PPP1R16B: variants seen among roughly 807,000 people sequenced by gnomAD.
The protein encoded by PPP1R16B is protein phosphatase 1 regulatory inhibitor subunit 16B.
PPP1R16B carries 14 observed loss-of-function variants against 61.7 expected under a neutral mutation model. That is an observed-to-expected ratio of 0.23 (90% CI 0.15 to 0.35). The LOEUF (loss-of-function observed/expected upper bound fraction) is 0.35, where lower values mean the gene tolerates loss of function less well. Among genes scored for constraint, PPP1R16B ranks in the 10% least tolerant of loss-of-function variants. The pLI, the probability that PPP1R16B is intolerant of heterozygous loss-of-function variation, is 1.00. For missense variants in PPP1R16B, 547 were observed against 752.5 expected (o/e 0.73, Z 3.19); for synonymous variants, 266 against 305.3 (o/e 0.87, Z 1.34).
intron 4 of PPP1R16B, among the ~76,000 whole-genome samples, chr20:38,896,254 C>T (rs2085348605): frequency 6.8e-6 from 1 of 147,846 alleles, no homozygotes; most frequent in South Asian, 2.2e-4. Flanking sequence ...CCCTCTCTCC[C>T]TCCCTTCCTT....
intron 10 of PPP1R16B, among the ~76,000 whole-genome samples, chr20:38,909,490 T>TG (rs2085472168): frequency 6.6e-6 from 1 of 152,258 alleles, no homozygotes; most frequent in Non-Finnish European, 1.5e-5. Context: ...TCACTCAGCA[T>TG]GGCTGCTTTC....
At chr20:38,847,937 T>C (rs562531756) in intron 2 of PPP1R16B, among the ~76,000 whole-genome samples, 93 of 152,358 alleles carry the variant, frequency 6.1e-4, no homozygotes, top group Admixed American at 1.2e-3. Flanking sequence ...TTTTTTAAAA[T>C]CATTTTATTT....
rs776641035 is a variant in PPP1R16B, at chr20:38,918,733, C to T, written c.*67C>T. 79 of 1,451,062 alleles carry T rather than the reference C, an allele frequency of 5.4e-5. No individual in the cohort carries two copies. The highest frequency in any genetic ancestry group is 6.8e-5 in the Non-Finnish European group (75 of 1,101,134). The allele number at this position is 1,451,062 out of a possible 1,614,324, so 89.9% of individuals were successfully genotyped here. ...CTGGAATCCAGGCCAGCCCAACAGC[C>T]CTGGCTGGGGAGGTGTCAGGGCAGC... is the stretch of plus-strand genomic sequence containing the variant. On this transcript the variant is annotated 3_prime_UTR_variant, in exon 11 of 11. Transcript: ENST00000299824. This position sits in a 1 kb window ranked among gnomAD's most constrained non-coding sequence, Gnocchi z 5.3.
Position 38,806,314 on chromosome 20 carries a change from GA to G in PPP1R16B, c.-102+525del, listed in dbSNP as rs2084660923. Among the ~76,000 whole-genome samples, 1 of 152,048 alleles carries G rather than the reference GA, an allele frequency of 6.6e-6. No homozygotes were observed. Among genetic ancestry groups the G allele is most frequent in the Admixed American group, 6.5e-5 (1 of 15,284 alleles). On this transcript the variant is annotated intron_variant, in intron 1 of 10. Transcript: ENST00000299824. The surrounding 1 kb of genome is among the most constrained non-coding windows in gnomAD (Gnocchi z 4.5). ...GCAGAGAGCGCTCCTGCCCGGGCGG[GA>G]AAGATCCCCAAGGCAGGCGCCTCCA...
intron 1 of PPP1R16B, among the ~76,000 whole-genome samples, chr20:38,835,203 G>A (rs2084861726): frequency 1.3e-5 from 2 of 152,160 alleles, no homozygotes; most frequent in Admixed American, 6.5e-5. Flanking sequence ...CCCATCTCCA[G>A]TACAACTTGC....
chr20:38,855,416 G>C (rs1419191051), intron 2 of PPP1R16B, among the ~76,000 whole-genome samples: 1 of 151,392 alleles, frequency 6.6e-6, no homozygotes, highest in East Asian at 1.9e-4. Flanking sequence ...TTACTTGGCA[G>C]CTAACATTTT....
chr20:38,868,867 A>G (rs2085107293), intron 2 of PPP1R16B, among the ~76,000 whole-genome samples: 1 of 152,226 alleles, frequency 6.6e-6, no homozygotes, highest in Admixed American at 6.5e-5. Context: ...TGATAAAATT[A>G]TAATATTTTG....
At chr20:38,846,958 T>C (rs2084939161) in intron 2 of PPP1R16B, among the ~76,000 whole-genome samples, 1 of 152,204 alleles carries the variant, frequency 6.6e-6, no homozygotes, top group Admixed American at 6.5e-5. Context: ...GCTGTGATTG[T>C]GCCACTGCAC....
intron 2 of PPP1R16B, among the ~76,000 whole-genome samples, chr20:38,881,750 C>T (rs1004642339): frequency 6.6e-6 from 1 of 152,328 alleles, no homozygotes; most frequent in Admixed American, 6.5e-5. Flanking sequence ...GAACACTGAC[C>T]TTTATTGGCA....
chr20:38,854,682 G>C (rs956282212), intron 2 of PPP1R16B, among the ~76,000 whole-genome samples: 4 of 152,164 alleles, frequency 2.6e-5, no homozygotes, highest in African/African-American at 9.7e-5. Flanking sequence ...TTTGGACTCA[G>C]ATTCCTCATC....
In PPP1R16B at chr20:38,899,941, C is replaced by T. The variant is rs543667557; in HGVS notation, c.468-640C>T. 9.9e-4 allele frequency among the ~76,000 whole-genome samples: 150 copies of T among 152,178 alleles called. 1 individual carries two copies. Among genetic ancestry groups the T allele is most frequent in the African/African-American group, 3.3e-3 (137 of 41,518 alleles). On this transcript the variant is annotated intron_variant, in intron 4 of 10. Transcript: ENST00000299824. The stretch of plus-strand genomic sequence containing the variant: ...CCTCCCGAATAGCTGGGATTATAGG[C>T]TCCCACACCACGCCCCGCTAATTTT...
chr20:38,813,988 G>C (rs920711734), intron 1 of PPP1R16B, among the ~76,000 whole-genome samples: 1 of 151,768 alleles, frequency 6.6e-6, no homozygotes, highest in African/African-American at 2.4e-5. Context: ...GTAGAGAAGG[G>C]GTTTCACCAT....
intron 3 of PPP1R16B, 134 bp downstream of exon 3, chr20:38,889,799 C>T: frequency 3.3e-6 from 3 of 913,588 alleles, no homozygotes; most frequent in East Asian, 2.4e-5. Flanking sequence ...GCAGCTGGCC[C>T]ATCTGAAAGG....
intron 3 of PPP1R16B, among the ~76,000 whole-genome samples, chr20:38,893,289 C>T (rs968491068): frequency 6.6e-6 from 1 of 152,126 alleles, no homozygotes; most frequent in Non-Finnish European, 1.5e-5. Context: ...CACTGTAGCT[C>T]CAGTGCAACA....
intron 10 of PPP1R16B, among the ~76,000 whole-genome samples, chr20:38,909,669 C>T (rs1053555424): frequency 2.0e-5 from 3 of 152,304 alleles, no homozygotes; most frequent in South Asian, 2.1e-4. Flanking sequence ...GATTAGCTAC[C>T]GAGCATGCCC....
At chr20:38,911,945 G>T (rs2085493996) in intron 10 of PPP1R16B, among the ~76,000 whole-genome samples, 1 of 152,054 alleles carries the variant, frequency 6.6e-6, no homozygotes, top group African/African-American at 2.4e-5. Flanking sequence ...GCACTATTTT[G>T]TGTTGGGAAA....
chr20:38,902,245 C>T (rs1362939385), intron 5 of PPP1R16B, among the ~76,000 whole-genome samples: 1 of 152,184 alleles, frequency 6.6e-6, no homozygotes, highest in Non-Finnish European at 1.5e-5. Flanking sequence ...CCAGGTGCTA[C>T]AGACACAACC....
chr20:38,900,822 A>G lies in PPP1R16B; in HGVS notation c.571+138A>G, dbSNP rs532220909. The G allele has an allele frequency of 7.1e-6, 4 of 564,342 alleles. No individual in the cohort carries two copies. The South Asian group carries it at 8.5e-5, about 12-fold the overall frequency. The allele number at this position is 564,342 out of a possible 1,614,324, so 35.0% of individuals were successfully genotyped here. On this transcript the variant is annotated intron_variant, in intron 5 of 10. Coordinates refer to ENST00000299824, the MANE Select transcript of PPP1R16B (RefSeq NM_015568.4). The stretch of plus-strand genomic sequence containing the variant: ...TGCTCAGTGAATAGGATGGGTCCCC[A>G]TTCATATCCTTATCTGTGTGATTAT...
chr20:38,835,536 C>T (rs989842820), intron 1 of PPP1R16B, among the ~76,000 whole-genome samples: 1 of 152,152 alleles, frequency 6.6e-6, no homozygotes, highest in Non-Finnish European at 1.5e-5. Flanking sequence ...AAGCATGTGG[C>T]GATTGTGCAC....
Sources: gnomAD v4.1 joint callset for allele counts (sites outside exome capture counted in the v4.1 genomes callset) on GRCh38, gnomAD v4.1.1 for gene constraint, Gnocchi (gnomAD v3.1) non-coding constraint, MANE v1.5 for transcripts, NCBI Gene and HGNC (gene_info 2026-07-23, HGNC 2026-07-21) for gene names.